Variants in MROH1 observed in about 807,000 individuals in gnomAD.
The protein encoded by MROH1 is maestro heat-like repeat-containing protein family member 1.
In MROH1, 117 loss-of-function variants were observed where a neutral mutation model predicts 116.5. The observed-to-expected ratio is 1.00, with a 90% CI of 0.86 to 1.17. The LOEUF (loss-of-function observed/expected upper bound fraction) is 1.17. MROH1 is among the 50% of genes most tolerant of loss of function. MROH1 has a pLI of 0.00. For missense variants in MROH1, 1,873 were observed against 1,338.5 expected, an observed-to-expected ratio of 1.40 and a Z score of -6.23; for synonymous variants, 921 against 583.9, an observed-to-expected ratio of 1.58 and a Z score of -8.32.
At chr8:144,175,643 G>C (rs1823692032) in intron 4 of MROH1, 2 of 593,488 alleles carry the variant, frequency 3.4e-6, no homozygotes, top group Admixed American at 6.3e-5. Flanking sequence ...GAAACAATAG[G>C]CTGGGTGCCA....
At chr8:144,197,453 T>G (rs1830171996) in intron 10 of MROH1, among the ~76,000 whole-genome samples, 1 of 121,286 alleles carries the variant, frequency 8.2e-6, no homozygotes, top group South Asian at 3.0e-4. Context: ...TTTTTTTTTT[T>G]GAGACGGAAT....
chr8:144,200,806 A>G, intron 12 of MROH1: 1 of 443,408 alleles, frequency 2.3e-6, no homozygotes. Flanking sequence ...TCCCCAGGTG[A>G]CCATGCCTCT....
At chr8:144,244,383 G>A (rs1227272728) in intron 27 of MROH1, 47 bp downstream of exon 27, 4 of 723,636 alleles carry the variant, frequency 5.5e-6, no homozygotes, top group South Asian at 1.5e-5. Context: ...TGAGAGTGGT[G>A]GGAGGCCACT....
chr8:144,227,924 G>A lies in MROH1; in HGVS notation c.1338+4694G>A, dbSNP rs114359892. Among the ~76,000 whole-genome samples the A allele has an allele frequency of 7.5e-3, 1,139 of 152,084 alleles. 9 individuals carry two copies. Among genetic ancestry groups the A allele is most frequent in the African/African-American group, 0.026 (1,098 of 41,466 alleles). On this transcript the variant is annotated intron_variant, in intron 14 of 43. Coordinates refer to ENST00000326134, the MANE Select transcript of MROH1 (RefSeq NM_032450.3). Reference sequence around the variant, plus strand: ...GCTGTGATCACACCACTGCGCTCCCGCCTGGGTGACATAGTGACACCCTAC... The same window carrying A: ...GCTGTGATCACACCACTGCGCTCCCACCTGGGTGACATAGTGACACCCTAC...
chr8:144,261,089 C>T (rs1409148020), intron 41 of MROH1, 25 bp from the exon 42 acceptor site: 9 of 774,870 alleles, frequency 1.2e-5, no homozygotes, highest in African/African-American at 3.4e-5. Flanking sequence ...CGGGGCCAGG[C>T]GGCACTGACC....
At chr8:144,220,746 G>T in intron 13 of MROH1, 73 bp downstream of exon 13, 1 of 1,374,768 alleles carries the variant, frequency 7.3e-7, no homozygotes, top group Non-Finnish European at 1.0e-6. Context: ...AGGCTGTGCT[G>T]TGAGATCACC....
chr8:144,245,098 G>T (rs890916544), intron 28 of MROH1, 58 bp from the exon 29 acceptor site: 12 of 777,752 alleles, frequency 1.5e-5, no homozygotes, highest in Non-Finnish European at 2.9e-5. Context: ...GATGCACAAG[G>T]CTCCTGCCCC....
At chr8:144,191,667 C>G in intron 8 of MROH1, 48 bp from the exon 9 acceptor site, 1 of 1,601,886 alleles carries the variant, frequency 6.2e-7, no homozygotes, top group Non-Finnish European at 8.5e-7. Flanking sequence ...TCTGAGCAGT[C>G]GGTGTTGACT....
At chr8:144,183,830 G>A (rs1826285161) in intron 7 of MROH1, among the ~76,000 whole-genome samples, 1 of 151,962 alleles carries the variant, frequency 6.6e-6, no homozygotes. Context: ...TGTATTTTTA[G>A]TGGAGACGGG....
chr8:144,248,300 CG>C (rs1260800576), intron 31 of MROH1, among the ~76,000 whole-genome samples: 4 of 151,912 alleles, frequency 2.6e-5, no homozygotes, highest in Admixed American at 6.6e-5. Flanking sequence ...TATTGCATTA[CG>C]GGGGGGAAAA....
intron 14 of MROH1, among the ~76,000 whole-genome samples, chr8:144,232,790 G>A (rs1020696798): frequency 1.1e-4 from 16 of 144,450 alleles, no homozygotes; most frequent in South Asian, 2.2e-4. Flanking sequence ...ACCGCACCTG[G>A]CCTATTTATT....
chr8:144,245,389 G>C (rs1412875941), intron 29 of MROH1, 129 bp downstream of exon 29: 1 of 667,102 alleles, frequency 1.5e-6, no homozygotes, highest in African/African-American at 1.8e-5. Context: ...TTGAGACCTG[G>C]ATTGAGGGCC....
intron 12 of MROH1, among the ~76,000 whole-genome samples, chr8:144,212,445 A>G (rs1428841061): frequency 6.6e-6 from 1 of 152,118 alleles, no homozygotes; most frequent in Non-Finnish European, 1.5e-5. Flanking sequence ...CTGGATGGTT[A>G]CTATTCCTGG....
In MROH1 at chr8:144,179,470, C is replaced by A. The variant is rs529963175; in HGVS notation, c.184C>A (p.Arg62=). The part of the protein sequence containing the change: ...RQHDKLAHPY[R]AAVLRAMERV... The stretch of plus-strand genomic sequence containing the variant: ...CTCTCCGCAGCTGGCACACCCATAC[C>A]GAGCAGCGGTCCTGAGGGCCATGGA... The change falls in exon 5 of 44, where the codon CGA becomes AGA. Residue 62 remains arginine (R), a synonymous_variant. Coordinates refer to ENST00000326134, the MANE Select transcript of MROH1 (RefSeq NM_032450.3). 1 of 1,613,376 alleles carries A rather than the reference C, an allele frequency of 6.2e-7. No individual in the cohort carries two copies. The highest frequency in any genetic ancestry group is 1.7e-5 in the Admixed American group (1 of 59,992).
intron 28 of MROH1, 113 bp from the exon 29 acceptor site, chr8:144,245,043 G>C: frequency 1.3e-6 from 1 of 756,432 alleles, no homozygotes; most frequent in Middle Eastern, 3.6e-4. Context: ...TTGGCCCCCT[G>C]TAGCCCAGGA....
intron 12 of MROH1, among the ~76,000 whole-genome samples, chr8:144,218,260 G>A (rs1217454657): frequency 6.6e-6 from 1 of 152,138 alleles, no homozygotes; most frequent in Non-Finnish European, 1.5e-5. Flanking sequence ...GGTCTCAGGT[G>A]TGTGTATCCT....
chr8:144,254,955 G>A lies in MROH1; in HGVS notation c.3571G>A (p.Val1191Met), dbSNP rs983052182. 3.0e-5 allele frequency: 23 copies of A among 771,388 alleles called. No individual in the cohort carries two copies. Among genetic ancestry groups the A allele is most frequent in the South Asian group, 1.5e-4 (11 of 73,332 alleles). 47.8% of individuals were successfully genotyped at this position (771,388 alleles called of 1,614,324 possible). A position where few individuals can be genotyped will look rare whatever the true frequency, so the allele number is the denominator to read the frequency against. Residue 1191 changes from valine to methionine, a missense_variant, in exon 34 of 44, where the codon GTG becomes ATG. Coordinates refer to ENST00000326134, the MANE Select transcript of MROH1 (RefSeq NM_032450.3). Reference sequence around the variant, plus strand: ...CCTGCTGGGCCGCACCCCAGACCGCGTGGCCACGCTGCTGCCTCTCTCGGT... The same window carrying A: ...CCTGCTGGGCCGCACCCCAGACCGCATGGCCACGCTGCTGCCTCTCTCGGT... ...AFLLGRTPDRVATLLPLSATC... is the reference protein window; with the variant it reads ...AFLLGRTPDRMATLLPLSATC...
chr8:144,189,108 G>A (rs1019194182), intron 7 of MROH1, among the ~76,000 whole-genome samples: 2 of 152,164 alleles, frequency 1.3e-5, no homozygotes, highest in Non-Finnish European at 2.9e-5. Context: ...TTTGGAGCAG[G>A]GCCTGTAGCA....
chr8:144,177,415 C>G (rs371666453), intron 4 of MROH1, among the ~76,000 whole-genome samples: 2 of 152,230 alleles, frequency 1.3e-5, no homozygotes, highest in African/African-American at 4.8e-5. Context: ...CCAAGACTTT[C>G]ACGAAGCTCC....
Sources: allele counts gnomAD v4.1 joint callset (sites outside exome capture counted in the v4.1 genomes callset), GRCh38; gene constraint gnomAD v4.1.1; transcripts MANE v1.5; gene names NCBI Gene and HGNC (gene_info 2026-07-23, HGNC 2026-07-21).